The following SRSF4 variants were observed in gnomAD, a reference collection of about 807,000 sequenced individuals.
SRSF4 encodes the protein serine/arginine-rich splicing factor 4.
In SRSF4, 12 loss-of-function variants were observed where a neutral mutation model predicts 48.8. The ratio of observed to expected loss-of-function variants is 0.25; its 90% CI spans 0.16 to 0.40. The LOEUF (loss-of-function observed/expected upper bound fraction) is 0.40. Among genes scored for constraint, SRSF4 ranks in the 10% least tolerant of loss-of-function variants. The probability of loss-of-function intolerance (pLI) is 1.00; values close to 1 mark genes in which losing one functional copy is unlikely to be tolerated. For synonymous variants in SRSF4, 248 were observed against 232.5 expected (o/e 1.07, Z -0.61); for missense variants, 466 against 667.1 (o/e 0.70, Z 3.32).
At chr1:29,149,688 G>A (rs2486205) in intron 5 of SRSF4, among the ~76,000 whole-genome samples, 49,969 of 100,000 alleles carry the variant, frequency 0.5, 11,230 homozygotes, top group Non-Finnish European at 0.54. Context: ...CTTGAGGGGG[G>A]AAAAAAAAAA....
rs376580822 is a variant in SRSF4, at chr1:29,154,869, A to G, written c.405T>C (p.Ala135=). The G allele has an allele frequency of 1.2e-6, 2 of 1,614,052 alleles. No individual in the cohort carries two copies. Among genetic ancestry groups the G allele is most frequent in the East Asian group, 2.2e-5 (1 of 44,894 alleles). Residue 135 remains alanine (A), a synonymous_variant, in exon 4 of 6, where the codon GCT becomes GCC. Transcript: ENST00000373795. ...RQAGEVTYAD[A]HKGRKNEGVI... ...CCCCTTCATTTTTGCGTCCCTTGTGAGCATCTGCATAAGTCACTTCTCCTG... is the reference window on the plus strand; with the variant it reads ...CCCCTTCATTTTTGCGTCCCTTGTGGGCATCTGCATAAGTCACTTCTCCTG...
At chr1:29,176,058 C>T (rs1224198811) in intron 1 of SRSF4, among the ~76,000 whole-genome samples, 1 of 152,104 alleles carries the variant, frequency 6.6e-6, no homozygotes, top group African/African-American at 2.4e-5. Flanking sequence ...CAAGACCATC[C>T]TGCCTAACAC....
At chr1:29,166,414 G>A (rs1672670280) in intron 1 of SRSF4, among the ~76,000 whole-genome samples, 2 of 152,226 alleles carry the variant, frequency 1.3e-5, no homozygotes, top group South Asian at 4.1e-4. Flanking sequence ...AAAAGCTTGT[G>A]AATGAGAACA....
intron 4 of SRSF4, 27 bp from the exon 5 acceptor site, chr1:29,150,219 C>A: frequency 6.3e-7 from 1 of 1,578,280 alleles, no homozygotes; most frequent in Non-Finnish European, 8.7e-7. Context: ...TTTTTTAATA[C>A]TTGCTGACAA....
At chr1:29,153,847 C>T (rs957483330) in intron 4 of SRSF4, among the ~76,000 whole-genome samples, 6 of 151,960 alleles carry the variant, frequency 3.9e-5, no homozygotes, top group South Asian at 2.1e-4. Context: ...GTGATCTGCC[C>T]GCCTTGGCCT....
At chr1:29,161,265 G>A (rs1282515777) in intron 1 of SRSF4, among the ~76,000 whole-genome samples, 1 of 152,138 alleles carries the variant, frequency 6.6e-6, no homozygotes, top group Non-Finnish European at 1.5e-5. Context: ...TATAGCTAAA[G>A]TGCAAAATTT....
Position 29,160,369 on chromosome 1 carries a change from G to A in SRSF4, c.250+6C>T. On this transcript the variant is annotated splice_donor_region_variant and intron_variant, in intron 2 of 5. Transcript: ENST00000373795. ...ACTGATAAAAGTATGCCCTTTGAAT[G>A]CTTACTGCGTCCAGAACCGTAACTG... The A allele has an allele frequency of 1.9e-6, 3 of 1,607,846 alleles. No individual in the cohort carries two copies. Among genetic ancestry groups the A allele is most frequent in the Non-Finnish European group, 2.5e-6 (3 of 1,178,034 alleles).
intron 3 of SRSF4, among the ~76,000 whole-genome samples, chr1:29,157,334 A>T (rs988634906): frequency 1.3e-5 from 2 of 152,200 alleles, no homozygotes; most frequent in African/African-American, 4.8e-5. Context: ...TAACAAAAAA[A>T]TTAAGAGGTT....
At position 29,149,148 on chromosome 1, in the gene SRSF4, GCTC is replaced by G. The variant is rs907135068; in HGVS notation, c.744_746del (p.Arg248del). 2.6e-5 allele frequency: 42 copies of G among 1,607,038 alleles called. No homozygotes were observed. Among genetic ancestry groups the G allele is most frequent in the Non-Finnish European group, 3.5e-5 (41 of 1,176,500 alleles). ...GGCTGCGGCTCTTTTCCTTGCTGGG[GCTC>G]CTGCTTTTCTCTTTCTTGCTCCGGC... On this transcript the variant is annotated inframe_deletion, in exon 6 of 6. Coordinates refer to ENST00000373795, the MANE Select transcript of SRSF4 (RefSeq NM_005626.5).
chr1:29,166,423 CAG>C (rs1188784017), intron 1 of SRSF4, among the ~76,000 whole-genome samples: 1 of 152,230 alleles, frequency 6.6e-6, no homozygotes, highest in Non-Finnish European at 1.5e-5. Flanking sequence ...TGAATGAGAA[CAG>C]TGTAACTGCC....
intron 1 of SRSF4, chr1:29,172,639 GGGCATGC>G: frequency 6.6e-6 from 1 of 152,294 alleles, no homozygotes; most frequent in Non-Finnish European, 1.5e-5. Context: ...CCCATCACAC[GGGCATGC>G]TCATACACTG....
chr1:29,157,892 G>T (rs1272828635), intron 3 of SRSF4, among the ~76,000 whole-genome samples: 2 of 152,128 alleles, frequency 1.3e-5, no homozygotes, highest in South Asian at 2.1e-4. Flanking sequence ...AAGTGGGGCC[G>T]GGTGCAGTGG....
chr1:29,176,159 G>A (rs542125839), intron 1 of SRSF4, among the ~76,000 whole-genome samples: 5 of 152,260 alleles, frequency 3.3e-5, no homozygotes, highest in South Asian at 2.1e-4. Flanking sequence ...GGCTGAGGCA[G>A]GAGAATTGCT....
chr1:29,150,266 TTA>T (rs1157384745), intron 4 of SRSF4, 74 bp from the exon 5 acceptor site: 411 of 768,982 alleles, frequency 5.3e-4, no homozygotes, highest in Non-Finnish European at 5.7e-4. Flanking sequence ...ACTATATATA[TTA>T]TATATATATA....
In SRSF4 at chr1:29,160,454, G is replaced by A; in HGVS notation, c.171C>T (p.Gly57=). ...DADDAVYELN[G]KDLCGERVIV... Reference sequence around the variant, plus strand: ...TTACTCGCTCACCACAAAGGTCTTTGCCATTCAGTTCATAAACAGCATCAT... The same window carrying A: ...TTACTCGCTCACCACAAAGGTCTTTACCATTCAGTTCATAAACAGCATCAT... The change falls in exon 2 of 6, where the codon GGC becomes GGT. Residue 57 remains glycine, a synonymous_variant. Transcript: ENST00000373795. The A allele has an allele frequency of 6.2e-7, 1 of 1,613,918 alleles. No homozygotes were observed. The highest frequency in any genetic ancestry group is 8.5e-7 in the Non-Finnish European group (1 of 1,179,972).
intron 1 of SRSF4, among the ~76,000 whole-genome samples, chr1:29,180,433 A>G (rs1199629238): frequency 1.3e-5 from 2 of 152,234 alleles, no homozygotes; most frequent in African/African-American, 4.8e-5. Flanking sequence ...GATTCTAATA[A>G]TTAATTTGAA....
At chr1:29,166,468 C>A (rs1367650227) in intron 1 of SRSF4, among the ~76,000 whole-genome samples, 2 of 152,202 alleles carry the variant, frequency 1.3e-5, no homozygotes, top group African/African-American at 4.8e-5. Context: ...TTCCAGGGAA[C>A]CAGCGTTCAG....
chr1:29,167,871 T>C (rs983023135), intron 1 of SRSF4, among the ~76,000 whole-genome samples: 1 of 152,210 alleles, frequency 6.6e-6, no homozygotes, highest in African/African-American at 2.4e-5. Flanking sequence ...GTATTATTAT[T>C]CTTCTCATTT....
chr1:29,177,673 C>T (rs888862343), intron 1 of SRSF4, among the ~76,000 whole-genome samples: 1 of 152,026 alleles, frequency 6.6e-6, no homozygotes, highest in Non-Finnish European at 1.5e-5. Flanking sequence ...GGGAGATCTT[C>T]GTTGTATTTG....
Sources: allele counts gnomAD v4.1 joint callset (sites outside exome capture counted in the v4.1 genomes callset), GRCh38; gene constraint gnomAD v4.1.1; transcripts MANE v1.5; gene names NCBI Gene and HGNC (gene_info 2026-07-23, HGNC 2026-07-21).